The following KCNN2 variants were observed in gnomAD, a reference collection of about 807,000 sequenced individuals.
KCNN2 encodes small conductance calcium-activated potassium channel protein 2.
Under a neutral mutation model 55.5 loss-of-function variants are expected in KCNN2, and 24 were observed. The observed-to-expected ratio is 0.43, with a 90% CI of 0.31 to 0.61. KCNN2 has a LOEUF of 0.61. Among genes scored for constraint, KCNN2 ranks in the 20% least tolerant of loss-of-function variants. The pLI is 0.08. For synonymous variants in KCNN2, 431 were observed against 336.1 expected (o/e 1.28, Z -3.09); for missense variants, 754 against 853.6 (o/e 0.88, Z 1.45).
chr5:114,108,540 A>G (rs984561581), intron 1 of KCNN2, among the ~76,000 whole-genome samples: 2 of 152,048 alleles, frequency 1.3e-5, no homozygotes, highest in African/African-American at 4.8e-5. Context: ...AACCTCTAAC[A>G]CACATTTGAC....
At chr5:114,420,851 C>G (rs886436307) in intron 3 of KCNN2, among the ~76,000 whole-genome samples, 4 of 152,204 alleles carry the variant, frequency 2.6e-5, no homozygotes, top group Admixed American at 2.0e-4. Context: ...GGCTGTAGGT[C>G]TGGCTCATTT....
chr5:114,337,506 T>A (rs2150035305), intron 2 of KCNN2, among the ~76,000 whole-genome samples: 1 of 152,312 alleles, frequency 6.6e-6, no homozygotes, highest in Admixed American at 6.5e-5. Flanking sequence ...GAGTACAAAG[T>A]TTCTTTACTG....
chr5:114,278,582 G>A (rs1302757928), intron 2 of KCNN2, among the ~76,000 whole-genome samples: 2 of 152,176 alleles, frequency 1.3e-5, no homozygotes, highest in African/African-American at 2.4e-5. Flanking sequence ...AATGGCAGAC[G>A]CCCCTTCCCC....
intron 2 of KCNN2, among the ~76,000 whole-genome samples, chr5:114,387,337 T>C (rs1484639408): frequency 6.6e-6 from 1 of 152,182 alleles, no homozygotes; most frequent in African/African-American, 2.4e-5. Context: ...TAACTATTAA[T>C]GTAACAACAT....
At chr5:114,360,653 G>A (rs558774321), upstream of KCNN2, among the ~76,000 whole-genome samples, 4 of 152,124 alleles carry the variant, frequency 2.6e-5, no homozygotes, top group South Asian at 2.1e-4. Flanking sequence ...ACATCTCTTA[G>A]AAGAAGACAG....
At chr5:114,256,442 G>C (rs773606045) in intron 2 of KCNN2, among the ~76,000 whole-genome samples, 1 of 152,068 alleles carries the variant, frequency 6.6e-6, no homozygotes, top group Admixed American at 6.6e-5. Flanking sequence ...TTAGTTCTTT[G>C]AGAAATCTCC....
At chr5:114,103,698 A>G (rs893033033) in intron 1 of KCNN2, among the ~76,000 whole-genome samples, 2 of 151,930 alleles carry the variant, frequency 1.3e-5, no homozygotes, top group African/African-American at 2.4e-5. Context: ...GGTGTTTGTC[A>G]TTGTTTCTGT....
chr5:114,344,385 G>A (rs920698860), intron 2 of KCNN2, among the ~76,000 whole-genome samples: 2 of 152,088 alleles, frequency 1.3e-5, no homozygotes, highest in Non-Finnish European at 2.9e-5. Flanking sequence ...GGTAAGGTCT[G>A]GGAGGGCTGC....
intron 2 of KCNN2, among the ~76,000 whole-genome samples, chr5:114,356,919 C>T (rs959605615): frequency 6.6e-6 from 1 of 152,044 alleles, no homozygotes; most frequent in African/African-American, 2.4e-5. Flanking sequence ...TGATACTATC[C>T]TGATTCCCCA....
At chr5:114,122,854 C>A (rs921979424) in intron 1 of KCNN2, among the ~76,000 whole-genome samples, 1 of 152,200 alleles carries the variant, frequency 6.6e-6, no homozygotes, top group Non-Finnish European at 1.5e-5. Flanking sequence ...ATGGGAAGTT[C>A]TTGTTTATCT....
intron 1 of KCNN2, among the ~76,000 whole-genome samples, chr5:114,167,248 C>G (rs1752932428): frequency 6.6e-6 from 1 of 151,956 alleles, no homozygotes; most frequent in Non-Finnish European, 1.5e-5. Context: ...CCCTGGTGTG[C>G]CATATTCGTA....
At chr5:114,143,945 A>C (rs1419194397) in intron 1 of KCNN2, among the ~76,000 whole-genome samples, 1 of 152,224 alleles carries the variant, frequency 6.6e-6, no homozygotes, top group East Asian at 1.9e-4. Flanking sequence ...GCAATAGCAC[A>C]AATTATACAC....
At chr5:114,127,773 C>A (rs1681402465) in intron 1 of KCNN2, among the ~76,000 whole-genome samples, 1 of 152,168 alleles carries the variant, frequency 6.6e-6, no homozygotes, top group African/African-American at 2.4e-5. Context: ...GCTCTGCTTT[C>A]TCTTGAATGC....
At chr5:114,290,733 T>G (rs1755869339) in intron 2 of KCNN2, among the ~76,000 whole-genome samples, 2 of 152,140 alleles carry the variant, frequency 1.3e-5, no homozygotes, top group South Asian at 4.1e-4. Flanking sequence ...AGCTATAAAT[T>G]TACCTCTGAA....
intron 1 of KCNN2, among the ~76,000 whole-genome samples, chr5:114,146,318 A>C (rs1752397087): frequency 6.6e-6 from 1 of 152,182 alleles, no homozygotes; most frequent in African/African-American, 2.4e-5. Flanking sequence ...TTATAATTTT[A>C]AAGTTCTGTT....
intron 1 of KCNN2, among the ~76,000 whole-genome samples, chr5:114,100,792 C>T (rs2721303): frequency 6.6e-6 from 1 of 151,684 alleles, no homozygotes; most frequent in Non-Finnish European, 1.5e-5. Flanking sequence ...GAAAATAAGA[C>T]GTATTCAAAA....
upstream of KCNN2, among the ~76,000 whole-genome samples, chr5:114,360,353 G>C (rs1757380410): frequency 6.6e-6 from 1 of 152,148 alleles, no homozygotes; most frequent in African/African-American, 2.4e-5. Context: ...GGCAGCTGCC[G>C]AGTAGAATAT....
chr5:114,329,149 C>A (rs896812190), intron 2 of KCNN2, among the ~76,000 whole-genome samples: 5 of 152,124 alleles, frequency 3.3e-5, no homozygotes, highest in African/African-American at 1.2e-4. Context: ...TGGTATTTAT[C>A]CTTGAATGGC....
intron 1 of KCNN2, among the ~76,000 whole-genome samples, chr5:114,076,494 A>T (rs185522198): frequency 6.6e-6 from 1 of 152,236 alleles, no homozygotes; most frequent in Non-Finnish European, 1.5e-5. Context: ...TCTTCATTTT[A>T]TAAAAGGATC....
Sources: allele counts gnomAD v4.1 joint callset (sites outside exome capture counted in the v4.1 genomes callset), GRCh38; gene constraint gnomAD v4.1.1; transcripts MANE v1.5; gene names NCBI Gene and HGNC (gene_info 2026-07-23, HGNC 2026-07-21).